The following MGLL variants were observed in gnomAD, a reference collection of about 807,000 sequenced individuals.
MGLL encodes the protein monoglyceride lipase, also known as lysophospholipase homolog.
A neutral mutation model predicts 29.1 loss-of-function variants in MGLL; 7 were observed. That is an observed-to-expected ratio of 0.24 (90% CI 0.14 to 0.45). The LOEUF (loss-of-function observed/expected upper bound fraction) is 0.45. Ranked by LOEUF, MGLL falls within the 20% of genes least tolerant of loss-of-function variation. MGLL has a pLI of 0.99. For missense variants in MGLL, 356 were observed against 413.6 expected (o/e 0.86, Z 1.21); for synonymous variants, 148 against 168.3 (o/e 0.88, Z 0.93).
chr3:127,761,054 G>A lies in MGLL; in HGVS notation c.262+20735C>T, dbSNP rs945983533. Among the ~76,000 whole-genome samples, 1 of 152,236 alleles carries A rather than the reference G, an allele frequency of 6.6e-6. No homozygotes were observed. The highest frequency in any genetic ancestry group is 2.4e-5 in the African/African-American group (1 of 41,454). The stretch of plus-strand genomic sequence containing the variant: ...ACAGGATTCACAAGTGTGAACTTGA[G>A]CGTATCCAAAGAAACCATCATTTCT... On this transcript the variant is annotated intron_variant, in intron 3 of 7. Coordinates refer to ENST00000265052, the MANE Select transcript of MGLL (RefSeq NM_007283.7). This position sits in a 1 kb window ranked among gnomAD's most constrained non-coding sequence, Gnocchi z 4.6.
At chr3:127,695,222 T>G (rs1477969056) in intron 6 of MGLL, 32 bp from the exon 7 acceptor site, 2 of 1,595,274 alleles carry the variant, frequency 1.3e-6, no homozygotes, top group Admixed American at 1.7e-5. Context: ...TCCATCAGCA[T>G]GGGCAGGGCT....
intron 3 of MGLL, among the ~76,000 whole-genome samples, chr3:127,733,990 G>C (rs1348317290): frequency 6.6e-6 from 1 of 152,230 alleles, no homozygotes; most frequent in Admixed American, 6.5e-5. Flanking sequence ...GAGCGTTGTG[G>C]CCCTGCAGAG....
At chr3:127,719,996 T>G (rs747927001) in intron 5 of MGLL, among the ~76,000 whole-genome samples, 4 of 152,190 alleles carry the variant, frequency 2.6e-5, no homozygotes, top group Non-Finnish European at 4.4e-5. Flanking sequence ...TGAAAGCCTG[T>G]CTCTAGAGCC....
chr3:127,805,186 G>C (rs977197250), intron 2 of MGLL, among the ~76,000 whole-genome samples: 9 of 152,144 alleles, frequency 5.9e-5, no homozygotes, highest in Non-Finnish European at 1.2e-4. Context: ...TTCTTTCCTG[G>C]AAGGAGAACA....
intron 5 of MGLL, among the ~76,000 whole-genome samples, chr3:127,718,073 T>C (rs1430134559): frequency 6.6e-6 from 1 of 152,042 alleles, no homozygotes; most frequent in African/African-American, 2.4e-5. Context: ...ATATCCCAGC[T>C]TGTTGAAAAC....
At chr3:127,790,968 AGG>A (rs1237079212) in intron 2 of MGLL, among the ~76,000 whole-genome samples, 2 of 152,094 alleles carry the variant, frequency 1.3e-5, no homozygotes, top group African/African-American at 2.4e-5. Flanking sequence ...CAGTGCGGTG[AGG>A]CCCAGTCCTC....
chr3:127,707,107 A>G (rs2075618549), intron 6 of MGLL, among the ~76,000 whole-genome samples: 1 of 152,216 alleles, frequency 6.6e-6, no homozygotes, highest in Non-Finnish European at 1.5e-5. Flanking sequence ...CTGAGGGAAT[A>G]TAAACTAGCA....
At chr3:127,765,530 C>T (rs779524921) in intron 3 of MGLL, among the ~76,000 whole-genome samples, 6 of 152,174 alleles carry the variant, frequency 3.9e-5, no homozygotes, top group Non-Finnish European at 4.4e-5. Flanking sequence ...CTGCGGCCCT[C>T]GGAAGAGCCA....
chr3:127,706,158 G>A (rs562331852), intron 6 of MGLL, among the ~76,000 whole-genome samples: 50 of 152,296 alleles, frequency 3.3e-4, no homozygotes, highest in Non-Finnish European at 5.9e-4. Flanking sequence ...GCACAGCAGC[G>A]TTATTCACAA....
intron 3 of MGLL, among the ~76,000 whole-genome samples, chr3:127,726,177 A>G (rs547420502): frequency 1.3e-3 from 56 of 42,566 alleles, no homozygotes; most frequent in Admixed American, 2.5e-3. Flanking sequence ...AGAAAGAAAG[A>G]AAGAAAGAAA....
intron 3 of MGLL, among the ~76,000 whole-genome samples, chr3:127,727,093 C>T (rs2076060107): frequency 6.6e-6 from 1 of 152,168 alleles, no homozygotes; most frequent in Non-Finnish European, 1.5e-5. Context: ...CTGATTGTTT[C>T]CCGTCATGGT....
intron 2 of MGLL, among the ~76,000 whole-genome samples, chr3:127,812,661 G>C (rs1262815118): frequency 6.6e-6 from 1 of 152,242 alleles, no homozygotes; most frequent in East Asian, 1.9e-4. Flanking sequence ...GGTCCGCAGA[G>C]TCCCCAGAAC....
In MGLL at chr3:127,710,562, G is replaced by A. The variant is rs373050688; in HGVS notation, c.600+14C>T. 4.7e-5 allele frequency: 73 copies of A among 1,547,608 alleles called. No individual in the cohort carries two copies. The highest frequency in any genetic ancestry group is 1.7e-4 in the Middle Eastern group (1 of 5,974). On this transcript the variant is annotated intron_variant, in intron 6 of 7. Coordinates refer to ENST00000265052, the MANE Select transcript of MGLL (RefSeq NM_007283.7). ...CCACCCAAGCTACCCCTGGGGTTTC[G>A]GAAAGCCTCTCACCTCTGTCTTATT...
intron 3 of MGLL, among the ~76,000 whole-genome samples, chr3:127,726,433 T>G (rs2076048664): frequency 6.6e-6 from 1 of 151,808 alleles, no homozygotes; most frequent in Non-Finnish European, 1.5e-5. Context: ...GGTTTTTTAT[T>G]TTTTTTTATT....
At chr3:127,698,492 A>G (rs2075415157) in intron 6 of MGLL, among the ~76,000 whole-genome samples, 1 of 152,178 alleles carries the variant, frequency 6.6e-6, no homozygotes, top group Non-Finnish European at 1.5e-5. Flanking sequence ...GTCCCCAAAT[A>G]TTCCACACTG....
rs1259231570 is a variant in MGLL, at chr3:127,761,328, G to T, written c.262+20461C>A. Among the ~76,000 whole-genome samples the T allele has an allele frequency of 6.6e-6, 1 of 152,132 alleles. No homozygotes were observed. Among genetic ancestry groups the T allele is most frequent in the East Asian group, 1.9e-4 (1 of 5,208 alleles). ...GGCTTCTCCCCTGCTGCTGTGTCTT[G>T]TTAGAGCCACCGTGTTGTGTTGGGG... On this transcript the variant is annotated intron_variant, in intron 3 of 7. Transcript: ENST00000265052. The surrounding 1 kb of genome is among the most constrained non-coding windows in gnomAD (Gnocchi z 4.6).
chr3:127,743,895 A>G (rs1177525353), intron 3 of MGLL, among the ~76,000 whole-genome samples: 3 of 152,002 alleles, frequency 2.0e-5, no homozygotes, highest in Non-Finnish European at 2.9e-5. Flanking sequence ...ATCCACGGCC[A>G]CTCAGCACAA....
chr3:127,750,470 G>A (rs1318989087), intron 3 of MGLL, among the ~76,000 whole-genome samples: 1 of 152,164 alleles, frequency 6.6e-6, no homozygotes, highest in African/African-American at 2.4e-5. Flanking sequence ...AAAAAACAGA[G>A]GGTAGTGCAA....
chr3:127,752,631 C>T (rs985568469), intron 3 of MGLL, among the ~76,000 whole-genome samples: 3 of 152,030 alleles, frequency 2.0e-5, no homozygotes, highest in Admixed American at 1.3e-4. Flanking sequence ...TGTACATATG[C>T]GGCAGATCCC....
Sources: gnomAD v4.1 joint callset for allele counts (sites outside exome capture counted in the v4.1 genomes callset) on GRCh38, gnomAD v4.1.1 for gene constraint, Gnocchi (gnomAD v3.1) non-coding constraint, MANE v1.5 for transcripts, NCBI Gene and HGNC (gene_info 2026-07-23, HGNC 2026-07-21) for gene names.